CDH4: variants seen among roughly 807,000 people sequenced by gnomAD.
The protein encoded by CDH4 is cadherin-4.
In CDH4, 33 loss-of-function variants were observed where a neutral mutation model predicts 86.0. That is an observed-to-expected ratio of 0.38 (90% confidence interval 0.29 to 0.51). The LOEUF is 0.51. CDH4 is among the 20% of genes least tolerant of loss of function. CDH4 has a pLI of 0.86. For synonymous variants in CDH4, 555 were observed against 549.4 expected, an observed-to-expected ratio of 1.01 and a Z score of -0.14; for missense variants, 1,114 against 1,307.4, an observed-to-expected ratio of 0.85 and a Z score of 2.28.
chr20:61,871,179 T>C (rs1485012811), intron 6 of CDH4, among the ~76,000 whole-genome samples: 1 of 152,130 alleles, frequency 6.6e-6, no homozygotes, highest in Non-Finnish European at 1.5e-5. Context: ...TTTCCTCTAG[T>C]GTGGGTCTCC....
In CDH4 at chr20:61,739,686, G is replaced by A. The variant is rs377033733; in HGVS notation, c.170-3877G>A. On this transcript the variant is annotated intron_variant, in intron 2 of 15. Transcript: ENST00000614565. Reference sequence around the variant, plus strand: ...TGCCTAGAGGAGGGTGAGTGACAGCGGGCTTGGAGCCCAGGCCCAGTTCAG... The same window carrying A: ...TGCCTAGAGGAGGGTGAGTGACAGCAGGCTTGGAGCCCAGGCCCAGTTCAG... 1.8e-3 allele frequency among the ~76,000 whole-genome samples: 278 copies of A among 152,282 alleles called. 2 individuals are homozygous for A. The highest frequency in any genetic ancestry group is 6.4e-3 in the African/African-American group (265 of 41,562).
chr20:61,398,605 A>C (rs2085032153), intron 2 of CDH4, among the ~76,000 whole-genome samples: 1 of 152,180 alleles, frequency 6.6e-6, no homozygotes, highest in Non-Finnish European at 1.5e-5. Flanking sequence ...AGTCTTTCTT[A>C]AAGCCTCAAC....
chr20:61,483,070 G>A (rs982367807), intron 2 of CDH4, among the ~76,000 whole-genome samples: 1 of 152,216 alleles, frequency 6.6e-6, no homozygotes, highest in South Asian at 2.1e-4. Context: ...CAGCTCTGCT[G>A]CTGTGAAAAC....
chr20:61,264,357 A>C (rs1255084284), intron 2 of CDH4, among the ~76,000 whole-genome samples: 1 of 151,788 alleles, frequency 6.6e-6, no homozygotes, highest in East Asian at 1.9e-4. Context: ...TCAATCTTAC[A>C]CATATCTCAG....
At chr20:61,740,243 A>G (rs914648123) in intron 2 of CDH4, among the ~76,000 whole-genome samples, 2 of 152,178 alleles carry the variant, frequency 1.3e-5, no homozygotes, top group Non-Finnish European at 2.9e-5. Context: ...GCAATTCACA[A>G]GGAAAGACAA....
chr20:61,815,011 T>C (rs1367691434), intron 4 of CDH4, among the ~76,000 whole-genome samples: 3 of 152,162 alleles, frequency 2.0e-5, no homozygotes, highest in Admixed American at 2.0e-4. Flanking sequence ...TCAAAATGAA[T>C]TTCTCCCTAT....
At chr20:61,614,274 G>T (rs978414441) in intron 2 of CDH4, among the ~76,000 whole-genome samples, 2 of 152,114 alleles carry the variant, frequency 1.3e-5, no homozygotes, top group African/African-American at 4.8e-5. Flanking sequence ...AGAAAAGAAA[G>T]GGGCTGGGGC....
At chr20:61,341,947 C>T (rs1265777360) in intron 2 of CDH4, among the ~76,000 whole-genome samples, 3 of 152,112 alleles carry the variant, frequency 2.0e-5, no homozygotes, top group East Asian at 1.9e-4. Context: ...GCATGGAATG[C>T]GGAGGAAGCT....
chr20:61,932,427 CACAG>C (rs2055121731), intron 13 of CDH4, among the ~76,000 whole-genome samples: 1 of 152,178 alleles, frequency 6.6e-6, no homozygotes, highest in African/African-American at 2.4e-5. Context: ...TGCATGCACG[CACAG>C]ACACATGGGC....
intron 2 of CDH4, among the ~76,000 whole-genome samples, chr20:61,361,232 C>T (rs2084781531): frequency 6.6e-6 from 1 of 151,914 alleles, no homozygotes; most frequent in African/African-American, 2.4e-5. Flanking sequence ...GCTCTGGAGA[C>T]CCTGCTAGGG....
chr20:61,633,177 C>CCCAT (rs2086911712), intron 2 of CDH4, among the ~76,000 whole-genome samples: 1 of 150,260 alleles, frequency 6.7e-6, no homozygotes, highest in African/African-American at 2.5e-5. Context: ...CATCCATCCA[C>CCCAT]CCATCCATCC....
intron 6 of CDH4, among the ~76,000 whole-genome samples, chr20:61,859,556 A>C (rs1252774926): frequency 6.6e-6 from 1 of 152,178 alleles, no homozygotes; most frequent in Non-Finnish European, 1.5e-5. Context: ...ATTCATTTTG[A>C]GTTAATTTTT....
intron 2 of CDH4, among the ~76,000 whole-genome samples, chr20:61,407,367 G>A (rs552515237): frequency 2.0e-4 from 31 of 152,260 alleles, no homozygotes; most frequent in African/African-American, 7.5e-4. Flanking sequence ...GGCATCTAGC[G>A]GTTGATGCCA....
chr20:61,673,242 TATC>T (rs2087409936), intron 2 of CDH4, among the ~76,000 whole-genome samples: 1 of 152,304 alleles, frequency 6.6e-6, no homozygotes, highest in South Asian at 2.1e-4. Context: ...GACTTGTGGT[TATC>T]ATCAGAGCAG....
At chr20:61,391,469 G>T (rs546009862) in intron 2 of CDH4, among the ~76,000 whole-genome samples, 6 of 152,266 alleles carry the variant, frequency 3.9e-5, no homozygotes, top group African/African-American at 1.2e-4. Context: ...TTGGACTAAG[G>T]GACATCGCCA....
chr20:61,534,084 C>T (rs897469116), intron 2 of CDH4, among the ~76,000 whole-genome samples: 1 of 152,222 alleles, frequency 6.6e-6, no homozygotes, highest in South Asian at 2.1e-4. Flanking sequence ...CAATTTCTAT[C>T]TTAAATCATT....
In CDH4 at chr20:61,679,083, C is replaced by T. The variant is rs892667401; in HGVS notation, c.170-64480C>T. Among the ~76,000 whole-genome samples, 4 of 152,146 alleles carry T rather than the reference C, an allele frequency of 2.6e-5. No homozygotes were observed. In the South Asian group the frequency reaches 6.2e-4, roughly 24 times the overall value. ...GTCTTGTTCCTGCCGCACCCAGAGC[C>T]CGGAAGAGCGAACAGCACACACGGT... On this transcript the variant is annotated intron_variant, in intron 2 of 15. Coordinates refer to ENST00000614565, the MANE Select transcript of CDH4 (RefSeq NM_001794.5).
intron 15 of CDH4, among the ~76,000 whole-genome samples, chr20:61,934,562 C>T (rs2055156507): frequency 6.6e-6 from 1 of 152,214 alleles, no homozygotes; most frequent in Non-Finnish European, 1.5e-5. Context: ...ATCAGCGGGG[C>T]GACGGCGGGG....
At position 61,905,542 on chromosome 20, in the gene CDH4, C is replaced by T. The variant is rs2054779961; in HGVS notation, c.1189-4880C>T. The stretch of plus-strand genomic sequence containing the variant: ...GGGCCAGGAGCTTCAGGCACGGCCG[C>T]TCCACCAGGAGGGTGCCCTCCTGCC... On this transcript the variant is annotated intron_variant, in intron 8 of 15. Coordinates refer to ENST00000614565, the MANE Select transcript of CDH4 (RefSeq NM_001794.5). 1.3e-5 allele frequency among the ~76,000 whole-genome samples: 2 copies of T among 152,220 alleles called. 1 individual carries two copies. The highest frequency in any genetic ancestry group is 4.1e-4 in the South Asian group (2 of 4,832).
Sources: gnomAD v4.1 joint callset for allele counts (sites outside exome capture counted in the v4.1 genomes callset) on GRCh38, gnomAD v4.1.1 for gene constraint, MANE v1.5 for transcripts, NCBI Gene and HGNC (gene_info 2026-07-23, HGNC 2026-07-21) for gene names.